ZSCAN5A: variants seen among roughly 807,000 people sequenced by gnomAD.
ZSCAN5A encodes the protein zinc finger and SCAN domain-containing protein 5A.
In ZSCAN5A, 12 loss-of-function variants were observed where a neutral mutation model predicts 23.7. The ratio of observed to expected loss-of-function variants is 0.51; its 90% confidence interval spans 0.32 to 0.82. The LOEUF is 0.82. Among genes scored for constraint, ZSCAN5A ranks in the 40% least tolerant of loss-of-function variants. The pLI is 0.03. For synonymous variants in ZSCAN5A, 257 were observed against 239.9 expected, an observed-to-expected ratio of 1.07 and a Z score of -0.66; for missense variants, 597 against 617.9, an observed-to-expected ratio of 0.97 and a Z score of 0.36.
chr19:56,333,736 G>A (rs1282211401), intron 2 of ZSCAN5A, among the ~76,000 whole-genome samples: 1 of 151,918 alleles, frequency 6.6e-6, no homozygotes, highest in Non-Finnish European at 1.5e-5. Context: ...CTGCACAATA[G>A]CTCAATATAA....
rs2041164816 is a variant in ZSCAN5A, at chr19:56,313,403, G to T, written c.-229-19C>A. On this transcript the variant is annotated intron_variant, in intron 1 of 5. Coordinates refer to ENST00000683990, the MANE Select transcript of ZSCAN5A (RefSeq NM_001322064.3). Reference sequence around the variant, plus strand: ...ACCTCCCCTTTATAAAAAACCATCAGATCTCGTGAGACTTATTCACTATCA... The same window carrying T: ...ACCTCCCCTTTATAAAAAACCATCATATCTCGTGAGACTTATTCACTATCA... 5.1e-6 allele frequency: 1 copy of T among 194,228 alleles called. No individual in the cohort carries two copies. The highest frequency in any genetic ancestry group is 1.1e-5 in the Non-Finnish European group (1 of 89,802). 12.0% of individuals were successfully genotyped at this position (194,228 alleles called of 1,614,324 possible).
chr19:56,286,630 T>C (rs1003488747), intron 2 of ZSCAN5A: 6 of 152,344 alleles, frequency 3.9e-5, no homozygotes, highest in African/African-American at 1.2e-4. Flanking sequence ...TGTGTGAAGG[T>C]TGTTCCCGCT....
chr19:56,295,450 C>T (rs143956236), intron 2 of ZSCAN5A, among the ~76,000 whole-genome samples: 62 of 152,132 alleles, frequency 4.1e-4, no homozygotes, highest in African/African-American at 1.4e-3. Context: ...CAAAAATTAG[C>T]CGGGTGTGGT....
At chr19:56,228,809 T>C (rs1395643887) in intron 2 of ZSCAN5A, among the ~76,000 whole-genome samples, 2 of 151,710 alleles carry the variant, frequency 1.3e-5, no homozygotes, top group Non-Finnish European at 2.9e-5. Flanking sequence ...TTGGTGATAA[T>C]TTTTTATTTT....
chr19:56,321,263 AATC>A (rs1333959649), intron 2 of ZSCAN5A: 2 of 669,254 alleles, frequency 3.0e-6, no homozygotes, highest in Non-Finnish European at 5.6e-6. Flanking sequence ...TAGTGCCAGC[AATC>A]ATCATCTTTT....
intron 2 of ZSCAN5A, among the ~76,000 whole-genome samples, chr19:56,279,339 T>G (rs2038504652): frequency 6.6e-6 from 1 of 152,174 alleles, no homozygotes; most frequent in Admixed American, 6.5e-5. Context: ...GCAGGGACTG[T>G]ACTTTACTCA....
At chr19:56,281,798 A>G in intron 2 of ZSCAN5A, 5 of 652,406 alleles carry the variant, frequency 7.7e-6, no homozygotes, top group South Asian at 6.8e-5. Flanking sequence ...TGACGATCAC[A>G]TTCAACCTGG....
At chr19:56,358,651 ACT>A (rs1209264411) in intron 2 of ZSCAN5A, among the ~76,000 whole-genome samples, 16 of 152,244 alleles carry the variant, frequency 1.1e-4, no homozygotes, top group African/African-American at 3.9e-4. Context: ...CATGGCACTT[ACT>A]CTAAAATTGA....
rs910267008 is a variant in ZSCAN5A, at chr19:56,222,017, G to A, written c.1049C>T (p.Ala350Val). 3.1e-6 allele frequency: 5 copies of A among 1,614,098 alleles called. No homozygotes were observed. The highest frequency in any genetic ancestry group is 1.3e-5 in the African/African-American group (1 of 74,922). ...ACATGCAAAGGGCGGCAGTGCCTTG[G>A]CTTCTTGGCCATCCGGGTGACTGAC... ...SPVSHPDGQE[A>V]KALPPFACDV... The change falls in exon 6 of 6, where the codon GCC becomes GTC. Residue 350 changes from alanine (A) to valine (V), a missense_variant. Coordinates refer to ENST00000683990, the MANE Select transcript of ZSCAN5A (RefSeq NM_001322064.3).
Position 56,223,793 on chromosome 19 carries a change from G to A in ZSCAN5A, c.426C>T (p.Asp142=). 2 of 1,613,668 alleles carry A rather than the reference G, an allele frequency of 1.2e-6. No individual in the cohort carries two copies. Among genetic ancestry groups the A allele is most frequent in the Non-Finnish European group, 1.7e-6 (2 of 1,180,020 alleles). The part of the protein sequence containing the change: ...TFHGKEYIVQ[D]SDIEMAEAPS... The stretch of plus-strand genomic sequence containing the variant: ...GGGCTTCAGCCATCTCGATATCTGA[G>A]TCCTGCACAATATATTCCTTTCCGT... The change falls in exon 4 of 6, where the codon GAC becomes GAT. Residue 142 remains aspartate, a synonymous_variant. Transcript: ENST00000683990.
intron 2 of ZSCAN5A, chr19:56,245,348 G>T: frequency 1.3e-6 from 1 of 751,814 alleles, no homozygotes; most frequent in Non-Finnish European, 2.5e-6. Flanking sequence ...CTCTGTGAAT[G>T]AGATGCGTCC....
At chr19:56,319,443 C>A (rs1205444953), upstream of ZSCAN5A, among the ~76,000 whole-genome samples, 2 of 143,058 alleles carry the variant, frequency 1.4e-5, no homozygotes, top group East Asian at 4.4e-4. Context: ...TTGCAGTGAG[C>A]CGAGATTGCA....
chr19:56,222,149 G>C lies in ZSCAN5A; in HGVS notation c.917C>G (p.Ser306Cys). Residue 306 changes from serine to cysteine, a missense_variant, in exon 6 of 6, where the codon TCC (serine) becomes TGC (cysteine). Physicochemically the swap from Ser to Cys is moderately radical, Grantham distance 112. This residue lies in a region of ZSCAN5A where 406 missense variants were observed against 353.2 expected (regional missense o/e 1.15). Coordinates refer to ENST00000683990, the MANE Select transcript of ZSCAN5A (RefSeq NM_001322064.3). The stretch of plus-strand genomic sequence containing the variant: ...TCCTTGAGGCTCTTCTTGGGAAATG[G>C]AGGAGGCATCTGGTTTGCTTCTTTT... The part of the protein sequence containing the change: ...SPKRSKPDAS[S>C]ISQEEPQGEA... 3 of 1,614,102 alleles carry C rather than the reference G, an allele frequency of 1.9e-6. No homozygotes were observed. The highest frequency in any genetic ancestry group is 2.5e-6 in the Non-Finnish European group (3 of 1,180,028).
At chr19:56,344,909 CAAAAAAAAAAAAAA>C (rs1019131536) in intron 2 of ZSCAN5A, among the ~76,000 whole-genome samples, 7 of 19,048 alleles carry the variant, frequency 3.7e-4, no homozygotes, top group Non-Finnish European at 7.5e-4. Context: ...GACTCCGTCT[CAAAAAAAAAAAAAA>C]AAAAAAAAAA....
chr19:56,276,534 TTTTA>T (rs78738335), intron 2 of ZSCAN5A, among the ~76,000 whole-genome samples: 1 of 141,262 alleles, frequency 7.1e-6, no homozygotes, highest in East Asian at 2.0e-4. Context: ...TGAGGGTTAT[TTTTA>T]TTTATTTATT....
intron 2 of ZSCAN5A, chr19:56,247,413 AAGAG>A: frequency 5.6e-6 from 1 of 179,126 alleles, no homozygotes; most frequent in Non-Finnish European, 1.2e-5. Flanking sequence ...CCAAGTGTCT[AAGAG>A]CCTTTCGTCG....
chr19:56,304,814 T>C (rs2040577131), intron 2 of ZSCAN5A: 9 of 985,074 alleles, frequency 9.1e-6, no homozygotes, highest in Non-Finnish European at 1.1e-5. Context: ...CTACTGTAAC[T>C]TGGAACTGGA....
Position 56,351,851 on chromosome 19 carries a change from T to C in ZSCAN5A, c.-358+11384A>G, listed in dbSNP as rs1448494476. Reference sequence around the variant, plus strand: ...GAACCTGGGAAGACTGTGGTGTTTCTTTAGATGGCTGGTGGATCTATCTGG... The same window carrying C: ...GAACCTGGGAAGACTGTGGTGTTTCCTTAGATGGCTGGTGGATCTATCTGG... On this transcript the variant is annotated intron_variant, in intron 2 of 6. Transcript: ENST00000587340. The surrounding 1 kb of genome is among the most constrained non-coding windows in gnomAD (Gnocchi z 4.8). Among the ~76,000 whole-genome samples, 1 of 152,174 alleles carries C rather than the reference T, an allele frequency of 6.6e-6. No individual in the cohort carries two copies. Among genetic ancestry groups the C allele is most frequent in the East Asian group, 1.9e-4 (1 of 5,188 alleles).
intron 2 of ZSCAN5A, among the ~76,000 whole-genome samples, chr19:56,308,107 C>T (rs890257773): frequency 2.0e-5 from 3 of 152,258 alleles, no homozygotes; most frequent in Non-Finnish European, 4.4e-5. Context: ...AATCTTGGCT[C>T]ACTGCAACCT....
Sources: gnomAD v4.1 joint callset for allele counts (sites outside exome capture counted in the v4.1 genomes callset) on GRCh38, gnomAD v4.1.1 for gene constraint, gnomAD v4.1.1 regional missense constraint, Gnocchi (gnomAD v3.1) non-coding constraint, MANE v1.5 for transcripts, NCBI Gene and HGNC (gene_info 2026-07-23, HGNC 2026-07-21) for gene names.